Variants in RTKN2 observed in about 807,000 individuals in gnomAD.
The protein encoded by RTKN2 is rhotekin-2.
Under a neutral mutation model 71.5 loss-of-function variants are expected in RTKN2, and 69 were observed. That is an observed-to-expected ratio of 0.96 (90% CI 0.79 to 1.18). The LOEUF (loss-of-function observed/expected upper bound fraction) is 1.18, where lower values mean the gene tolerates loss of function less well. Ranked by LOEUF, RTKN2 falls within the 50% of genes most tolerant of loss-of-function variation. RTKN2 has a pLI of 0.00. For synonymous variants in RTKN2, 236 were observed against 236.5 expected (o/e 1.00, Z 0.02); for missense variants, 724 against 719.7 (o/e 1.01, Z -0.07).
chr10:62,218,512 A>G (rs935972622), intron 7 of RTKN2, among the ~76,000 whole-genome samples: 1 of 152,212 alleles, frequency 6.6e-6, no homozygotes, highest in African/African-American at 2.4e-5. Flanking sequence ...AGGACAGGAT[A>G]ATATTAAACT....
chr10:62,248,217 A>T (rs1412021974), intron 2 of RTKN2, among the ~76,000 whole-genome samples: 3 of 152,162 alleles, frequency 2.0e-5, no homozygotes, highest in Non-Finnish European at 4.4e-5. Flanking sequence ...AATTAACCAT[A>T]TAATCTTAGA....
At chr10:62,241,971 T>C (rs969292334) in intron 3 of RTKN2, among the ~76,000 whole-genome samples, 1 of 151,918 alleles carries the variant, frequency 6.6e-6, no homozygotes, top group African/African-American at 2.4e-5. Context: ...AGTGCTGGGA[T>C]TACAGGCGTG....
intron 6 of RTKN2, among the ~76,000 whole-genome samples, chr10:62,234,677 G>A (rs1200255369): frequency 6.6e-6 from 1 of 151,978 alleles, no homozygotes; most frequent in Non-Finnish European, 1.5e-5. Flanking sequence ...TGTATCCAGA[G>A]AGTTTACAAG....
chr10:62,212,955 A>G (rs1235501962), intron 9 of RTKN2, among the ~76,000 whole-genome samples: 1 of 152,188 alleles, frequency 6.6e-6, no homozygotes, highest in Non-Finnish European at 1.5e-5. Context: ...TACCAATACC[A>G]ATGCTATACC....
chr10:62,196,216 C>G lies in RTKN2; in HGVS notation c.*1692G>C, dbSNP rs541305724. ...ATAATATCCTTTAGATTTTTAATGT[C>G]ATTTATTGAAATGGCAATCATAACA... is the stretch of plus-strand genomic sequence containing the variant. On this transcript the variant is annotated 3_prime_UTR_variant, in exon 12 of 12. Transcript: ENST00000373789. The G allele has an allele frequency of 2.6e-5, 25 of 973,658 alleles. No individual in the cohort carries two copies. The highest frequency in any genetic ancestry group is 3.1e-5 in the Non-Finnish European group (25 of 819,476). 60.3% of individuals were successfully genotyped at this position (973,658 alleles called of 1,614,324 possible). A position where few individuals can be genotyped will look rare whatever the true frequency, so the allele number is the denominator to read the frequency against.
intron 9 of RTKN2, among the ~76,000 whole-genome samples, chr10:62,213,428 T>C (rs913607945): frequency 6.6e-6 from 1 of 152,160 alleles, no homozygotes; most frequent in Admixed American, 6.6e-5. Context: ...ATCAAGCCTC[T>C]AGACCTCATT....
In RTKN2 at chr10:62,195,312, G is replaced by T; in HGVS notation, c.*2596C>A. On this transcript the variant is annotated 3_prime_UTR_variant, in exon 12 of 12. Coordinates refer to ENST00000373789, the MANE Select transcript of RTKN2 (RefSeq NM_145307.4). The stretch of plus-strand genomic sequence containing the variant: ...CAAATTAAAAGGACAAACAAGGAAT[G>T]TGAAAGCTCATAAAAAGCTGAAGCA... The T allele has an allele frequency of 1.0e-6, 1 of 985,148 alleles. No individual in the cohort carries two copies. Among genetic ancestry groups the T allele is most frequent in the Non-Finnish European group, 1.2e-6 (1 of 829,724 alleles). The allele number at this position is 985,148 out of a possible 1,614,324, so 61.0% of individuals were successfully genotyped here. A position where few individuals can be genotyped will look rare whatever the true frequency, so the allele number is the denominator to read the frequency against.
intron 7 of RTKN2, among the ~76,000 whole-genome samples, chr10:62,221,800 G>T (rs191492357): frequency 6.6e-6 from 1 of 152,042 alleles, no homozygotes; most frequent in African/African-American, 2.4e-5. Context: ...ACAAGAATGA[G>T]AATTAAAAAA....
intron 4 of RTKN2, 33 bp downstream of exon 4, chr10:62,241,109 A>G (rs965266097): frequency 5.5e-6 from 7 of 1,279,906 alleles, no homozygotes; most frequent in Non-Finnish European, 7.8e-6. Context: ...TACTAAAGAA[A>G]ACATTTCAAT....
intron 7 of RTKN2, among the ~76,000 whole-genome samples, chr10:62,223,018 G>C (rs1262541772): frequency 6.6e-6 from 1 of 152,150 alleles, no homozygotes; most frequent in African/African-American, 2.4e-5. Context: ...GAGCATACCT[G>C]AGACCCTTCT....
intron 2 of RTKN2, among the ~76,000 whole-genome samples, chr10:62,252,553 C>A: frequency 6.6e-6 from 1 of 150,884 alleles, no homozygotes; most frequent in Non-Finnish European, 1.5e-5. Context: ...GAAGATATGA[C>A]TATAAGATTA....
At chr10:62,252,167 T>C (rs1455748623) in intron 2 of RTKN2, among the ~76,000 whole-genome samples, 2 of 152,076 alleles carry the variant, frequency 1.3e-5, no homozygotes, top group Non-Finnish European at 2.9e-5. Flanking sequence ...CTTACACACA[T>C]TCCAGTAAAA....
rs1284234384 is a variant in RTKN2 at position 62,198,191 on chromosome 10, A to C, written c.1547T>G (p.Leu516Ter). ...TTGATCTGTGTTACTCTGTGATTTT[A>C]AGCTGAATGGAAGTTTATCAGAAGG... is the stretch of plus-strand genomic sequence containing the variant. ...LPPSDKLPFS[L>*]KSQSNTDQLV... Residue 516 changes from leucine to a stop codon, truncating the protein, a stop_gained, in exon 12 of 12, where the codon TTA becomes TGA. Transcript: ENST00000373789. LOFTEE classifies it high-confidence loss of function. The C allele has an allele frequency of 6.2e-7, 1 of 1,614,032 alleles. No individual in the cohort carries two copies. Among genetic ancestry groups the C allele is most frequent in the East Asian group, 2.2e-5 (1 of 44,884 alleles).
At chr10:62,257,238 T>C (rs935973471) in intron 2 of RTKN2, among the ~76,000 whole-genome samples, 4 of 152,206 alleles carry the variant, frequency 2.6e-5, no homozygotes, top group Non-Finnish European at 5.9e-5. Context: ...TCTATTTCAC[T>C]GATAAGAAGA....
chr10:62,200,972 C>T (rs1219487798), intron 10 of RTKN2, among the ~76,000 whole-genome samples: 1 of 151,974 alleles, frequency 6.6e-6, no homozygotes, highest in African/African-American at 2.4e-5. Context: ...CTATTTTAAT[C>T]TTAAATTTTT....
intron 3 of RTKN2, among the ~76,000 whole-genome samples, chr10:62,243,190 G>C (rs1222381748): frequency 7.5e-6 from 1 of 132,868 alleles, no homozygotes; most frequent in African/African-American, 2.9e-5. Flanking sequence ...GTGTCCATGT[G>C]TTCTCATTGC....
chr10:62,268,194 C>T (rs941690341), intron 1 of RTKN2, among the ~76,000 whole-genome samples: 1 of 152,216 alleles, frequency 6.6e-6, no homozygotes, highest in Non-Finnish European at 1.5e-5. Flanking sequence ...ACTGGCCTCG[C>T]TGGGTTTCTT....
downstream of RTKN2, among the ~76,000 whole-genome samples, chr10:62,192,168 C>T (rs956772870): frequency 2.0e-5 from 3 of 151,834 alleles, no homozygotes; most frequent in Admixed American, 1.3e-4. Flanking sequence ...CTCCAGAGTC[C>T]GTAGTCAACT....
downstream of RTKN2, among the ~76,000 whole-genome samples, chr10:62,192,846 G>A (rs902789415): frequency 1.6e-4 from 25 of 152,072 alleles, no homozygotes; most frequent in African/African-American, 6.0e-4. Flanking sequence ...TATGGAAGGG[G>A]ATTTGAAATT....
Sources: allele counts gnomAD v4.1 joint callset (sites outside exome capture counted in the v4.1 genomes callset), GRCh38; gene constraint gnomAD v4.1.1; transcripts MANE v1.5; gene names NCBI Gene and HGNC (gene_info 2026-07-23, HGNC 2026-07-21).